VANGL1: variants seen among roughly 807,000 people sequenced by gnomAD.
The protein encoded by VANGL1 is vang-like protein 1.
A neutral mutation model predicts 48.4 loss-of-function variants in VANGL1; 18 were observed. The ratio of observed to expected loss-of-function variants is 0.37; its 90% CI spans 0.26 to 0.55. The LOEUF (loss-of-function observed/expected upper bound fraction) is 0.55, where lower values mean the gene tolerates loss of function less well. VANGL1 is among the 20% of genes least tolerant of loss of function. VANGL1 has a pLI of 0.81. For synonymous variants in VANGL1, 257 were observed against 261.8 expected (o/e 0.98, Z 0.18); for missense variants, 667 against 675.8 (o/e 0.99, Z 0.14).
chr1:115,652,156 G>T (rs545420949), intron 2 of VANGL1, among the ~76,000 whole-genome samples: 1 of 152,314 alleles, frequency 6.6e-6, no homozygotes, highest in East Asian at 1.9e-4. Context: ...CTTATTTAGT[G>T]AACTGGTAGG....
chr1:115,681,645 T>A (rs954525870), intron 4 of VANGL1, among the ~76,000 whole-genome samples: 1 of 152,024 alleles, frequency 6.6e-6, no homozygotes, highest in Non-Finnish European at 1.5e-5. Context: ...TAGCTGGGAT[T>A]ACAGGTGCAT....
chr1:115,674,543 GA>G, intron 4 of VANGL1, among the ~76,000 whole-genome samples: 1 of 152,196 alleles, frequency 6.6e-6, no homozygotes, highest in East Asian at 1.9e-4. Flanking sequence ...ACTCTATGAT[GA>G]GAAAACTTTT....
At chr1:115,651,981 T>C (rs2101307160) in intron 2 of VANGL1, among the ~76,000 whole-genome samples, 1 of 152,328 alleles carries the variant, frequency 6.6e-6, no homozygotes, top group East Asian at 1.9e-4. Context: ...GGTCTCGATC[T>C]GACCTTGTGA....
At chr1:115,680,392 T>G (rs1452226310) in intron 4 of VANGL1, among the ~76,000 whole-genome samples, 1 of 152,180 alleles carries the variant, frequency 6.6e-6, no homozygotes, top group Non-Finnish European at 1.5e-5. Context: ...ATCTTCATAT[T>G]CCCAGGGCTT....
intron 4 of VANGL1, among the ~76,000 whole-genome samples, chr1:115,676,815 G>A (rs1021295271): frequency 6.6e-6 from 1 of 152,258 alleles, no homozygotes; most frequent in Non-Finnish European, 1.5e-5. Flanking sequence ...GTAGCTGCCT[G>A]TACCAGGCCT....
At chr1:115,680,408 A>G (rs913192622) in intron 4 of VANGL1, among the ~76,000 whole-genome samples, 34 of 152,212 alleles carry the variant, frequency 2.2e-4, no homozygotes, top group Non-Finnish European at 3.7e-4. Context: ...GGCTTAGCAG[A>G]CACAGGCACT....
rs199526468 is a variant in VANGL1, at chr1:115,684,001, G to T, written c.1004G>T (p.Arg335Leu). Residue 335 changes from arginine (R) to leucine (L), a missense_variant, in exon 6 of 8, where the codon CGC (arginine) becomes CTC (leucine). Transcript: ENST00000355485. ...SRAMIAAAAR[R>L]RDSSHNELYY... ...GCCATGATTGCTGCAGCTGCTCGGC[G>T]CAGGGACTCAAGCCACAACGAGTTG... 1.2e-6 allele frequency: 2 copies of T among 1,613,946 alleles called. No individual in the cohort carries two copies. The highest frequency in any genetic ancestry group is 1.7e-6 in the Non-Finnish European group (2 of 1,180,006).
intron 3 of VANGL1, among the ~76,000 whole-genome samples, chr1:115,663,439 GT>G (rs1652643775): frequency 6.6e-6 from 1 of 152,182 alleles, no homozygotes; most frequent in Admixed American, 6.5e-5. Flanking sequence ...ATCACATTAT[GT>G]TTTCTCTGTT....
At chr1:115,655,689 CTG>C (rs1175241682) in intron 2 of VANGL1, among the ~76,000 whole-genome samples, 1 of 152,198 alleles carries the variant, frequency 6.6e-6, no homozygotes, top group Non-Finnish European at 1.5e-5. Flanking sequence ...GCTTGGCAGT[CTG>C]TTTACTCTCC....
At chr1:115,687,336 A>T (rs1653670916) in intron 7 of VANGL1, among the ~76,000 whole-genome samples, 1 of 138,976 alleles carries the variant, frequency 7.2e-6, no homozygotes, top group Non-Finnish European at 1.6e-5. Flanking sequence ...CAAGAAATAG[A>T]ATGCAGAAAC....
At chr1:115,677,737 G>C (rs6671952) in intron 4 of VANGL1, among the ~76,000 whole-genome samples, 49,585 of 152,086 alleles carry the variant, frequency 0.33, 8,134 homozygotes, top group Middle Eastern at 0.35. Flanking sequence ...ATAGGTTTCT[G>C]AGGGGGCTGA....
intron 1 of VANGL1, among the ~76,000 whole-genome samples, chr1:115,648,064 G>C (rs536728597): frequency 6.6e-6 from 1 of 152,238 alleles, no homozygotes; most frequent in African/African-American, 2.4e-5. Flanking sequence ...GAGGGGAGAG[G>C]AGAGGGAGTG....
chr1:115,694,920 C>T lies in VANGL1; in HGVS notation c.*3541C>T, dbSNP rs562213877. The T allele has an allele frequency of 3.9e-5, 6 of 152,238 alleles. No individual in the cohort carries two copies. Among genetic ancestry groups the T allele is most frequent in the African/African-American group, 1.4e-4 (6 of 41,518 alleles). The allele number at this position is 152,238 out of a possible 1,614,324, so 9.4% of individuals were successfully genotyped here. Reference sequence around the variant, plus strand: ...GTGAGGGTGTCTGTGTTTCTGCAGTCCCCTGTGTTTGAGAGATGACTTAAT... The same window carrying T: ...GTGAGGGTGTCTGTGTTTCTGCAGTTCCCTGTGTTTGAGAGATGACTTAAT... On this transcript the variant is annotated 3_prime_UTR_variant, in exon 8 of 8. Transcript: ENST00000355485.
Position 115,642,256 on chromosome 1 carries a change from C to G in VANGL1, c.-138+170C>G, listed in dbSNP as rs1018095553. 2.6e-5 allele frequency among the ~76,000 whole-genome samples: 4 copies of G among 152,054 alleles called. No homozygotes were observed. In the East Asian group the frequency reaches 7.8e-4, roughly 30 times the overall value. On this transcript the variant is annotated intron_variant, in intron 1 of 7. Transcript: ENST00000355485. ...GCTCCCGCCTCGGGCCGGGGGCTCC[C>G]TCCCCTCCTCCGGAGCGCTCCGGGT...
At chr1:115,644,317 C>T (rs1651836216) in intron 1 of VANGL1, among the ~76,000 whole-genome samples, 2 of 152,178 alleles carry the variant, frequency 1.3e-5, no homozygotes, top group African/African-American at 4.8e-5. Context: ...ATGTAAGTGA[C>T]TTAAAACAGC....
Position 115,685,407 on chromosome 1 carries a change from C to T in VANGL1, c.1194C>T (p.Phe398=), listed in dbSNP as rs1344223426. 1.9e-6 allele frequency: 3 copies of T among 1,614,050 alleles called. No homozygotes were observed. Among genetic ancestry groups the T allele is most frequent in the Non-Finnish European group, 2.5e-6 (3 of 1,180,030 alleles). Residue 398 remains phenylalanine (F), a synonymous_variant, in exon 7 of 8, where the codon TTC becomes TTT. Coordinates refer to ENST00000355485, the MANE Select transcript of VANGL1 (RefSeq NM_138959.3). ...MDPREAAQAI[F]PSMARALQKY... ...CTAGGGAGGCCGCCCAGGCCATTTT[C>T]CCCTCCATGGCCAGGGCTCTCCAGA... is the stretch of plus-strand genomic sequence containing the variant.
intron 4 of VANGL1, among the ~76,000 whole-genome samples, chr1:115,673,998 T>C (rs896186183): frequency 6.6e-6 from 1 of 152,208 alleles, no homozygotes; most frequent in African/African-American, 2.4e-5. Flanking sequence ...TCTGAAGTTC[T>C]GGGTAGATGC....
At chr1:115,649,196 T>G (rs192178893) in intron 1 of VANGL1, among the ~76,000 whole-genome samples, 30 of 152,288 alleles carry the variant, frequency 2.0e-4, no homozygotes, top group Admixed American at 5.9e-4. Context: ...ACTCAGCCCT[T>G]GAAGTCTTCT....
chr1:115,688,477 C>T (rs946371837), intron 7 of VANGL1, among the ~76,000 whole-genome samples: 2 of 138,704 alleles, frequency 1.4e-5, no homozygotes, highest in Admixed American at 7.4e-5. Flanking sequence ...TGGCTTGAAA[C>T]GCTGAAAATA....
Sources: gnomAD v4.1 joint callset for allele counts (sites outside exome capture counted in the v4.1 genomes callset) on GRCh38, gnomAD v4.1.1 for gene constraint, MANE v1.5 for transcripts, NCBI Gene and HGNC (gene_info 2026-07-23, HGNC 2026-07-21) for gene names.